ANKRD11: variants seen among roughly 807,000 people sequenced by gnomAD.
ANKRD11 encodes the protein ankyrin repeat domain 11.
Under a neutral mutation model 195.7 loss-of-function variants are expected in ANKRD11, and 17 were observed. That is an observed-to-expected ratio of 0.09 (90% confidence interval 0.06 to 0.13). ANKRD11 has a LOEUF of 0.13. Ranked by LOEUF, ANKRD11 falls within the 10% of genes least tolerant of loss-of-function variation. The pLI is 1.00. For missense variants in ANKRD11, 3,735 were observed against 3,566.1 expected, an observed-to-expected ratio of 1.05 and a Z score of -1.21; for synonymous variants, 1,953 against 1,528.1, an observed-to-expected ratio of 1.28 and a Z score of -6.49.
rs755422031 is a variant in ANKRD11, at chr16:89,280,083, C to T, written c.6459G>A (p.Ala2153=). 3.1e-6 allele frequency: 5 copies of T among 1,613,152 alleles called. No homozygotes were observed. The highest frequency in any genetic ancestry group is 1.7e-5 in the Admixed American group (1 of 60,026). ...GAGCAAGACTTTCTTCCACGGGTTCCGCTTCACCATCTGCGGCATCTTTAG... is the reference window on the plus strand; with the variant it reads ...GAGCAAGACTTTCTTCCACGGGTTCTGCTTCACCATCTGCGGCATCTTTAG... ...LQTKDAADGE[A]EPVEESLAPP... The change falls in exon 9 of 13, where the codon GCG becomes GCA. Residue 2153 remains alanine, a synonymous_variant. Coordinates refer to ENST00000301030, the MANE Select transcript of ANKRD11 (RefSeq NM_013275.6).
At chr16:89,302,285 G>A (rs986547915) in intron 4 of ANKRD11, among the ~76,000 whole-genome samples, 1 of 152,132 alleles carries the variant, frequency 6.6e-6, no homozygotes, top group African/African-American at 2.4e-5. Context: ...ACGGAGTCTT[G>A]CTCTGTTGCC....
chr16:89,278,580 G>A (rs1375905686), intron 9 of ANKRD11: 2 of 457,498 alleles, frequency 4.4e-6, no homozygotes, highest in Non-Finnish European at 8.8e-6. Flanking sequence ...GCTGCCCCAA[G>A]GGAGCTGCAG....
intron 2 of ANKRD11, among the ~76,000 whole-genome samples, chr16:89,335,748 C>T (rs2038319051): frequency 6.6e-6 from 1 of 152,232 alleles, no homozygotes; most frequent in Admixed American, 6.5e-5. Context: ...CTGACCGTGA[C>T]AGGCCCCAGT....
chr16:89,280,298 C>CG lies in ANKRD11; in HGVS notation c.6243dup (p.Glu2082ArgfsTer20), dbSNP rs1567558387. ...GCCACAGCGGCTACACAGGCGGGCT[C>CG]GGGGGCCACGTCCAGCGGGGCTTCC... On this transcript the variant is annotated frameshift_variant, in exon 9 of 13. Transcript: ENST00000301030. LOFTEE classifies it high-confidence loss of function. 6.3e-7 allele frequency: 1 copy of CG among 1,597,140 alleles called. No individual in the cohort carries two copies. The highest frequency in any genetic ancestry group is 8.5e-7 in the Non-Finnish European group (1 of 1,172,318).
Position 89,279,252 on chromosome 16 carries a change from G to A in ANKRD11, c.7290C>T (p.Tyr2430=), listed in dbSNP as rs766583993. ...AGTAGGGGTTGGCCCTGTCGCTGTGGTAGGGCTCGATGGCATCCAGCTTGA... is the reference window on the plus strand; with the variant it reads ...AGTAGGGGTTGGCCCTGTCGCTGTGATAGGGCTCGATGGCATCCAGCTTGA... The part of the protein sequence containing the change: ...DAIKLDAIEP[Y]HSDRANPYFE... The change falls in exon 9 of 13, where the codon TAC becomes TAT. Residue 2430 remains tyrosine, a synonymous_variant. Transcript: ENST00000301030. The surrounding 1 kb of genome is among the most constrained non-coding windows in gnomAD (Gnocchi z 5.6). 3.0e-5 allele frequency: 49 copies of A among 1,611,616 alleles called. No individual in the cohort carries two copies. The highest frequency in any genetic ancestry group is 4.1e-5 in the Non-Finnish European group (48 of 1,179,590).
At chr16:89,302,214 C>T (rs2035900185) in intron 4 of ANKRD11, among the ~76,000 whole-genome samples, 1 of 152,220 alleles carries the variant, frequency 6.6e-6, no homozygotes, top group African/African-American at 2.4e-5. Flanking sequence ...CAGCAGCCTC[C>T]CGGCCCAGGG....
In ANKRD11 at chr16:89,482,796, G is replaced by C. The variant is rs140447457; in HGVS notation, c.-145+7449C>G. On this transcript the variant is annotated intron_variant, in intron 1 of 12. Transcript: ENST00000301030. Reference sequence around the variant, plus strand: ...AACAGAGCCGAGACTCTCCAAAAAAGCGGGTGGGCAGCAGGAGTCAGAGAG... The same window carrying C: ...AACAGAGCCGAGACTCTCCAAAAAACCGGGTGGGCAGCAGGAGTCAGAGAG... Among the ~76,000 whole-genome samples, 155 of 152,306 alleles carry C rather than the reference G, an allele frequency of 1.0e-3. 1 individual carries two copies. Among genetic ancestry groups the C allele is most frequent in the African/African-American group, 3.6e-3 (151 of 41,560 alleles).
intron 2 of ANKRD11, among the ~76,000 whole-genome samples, chr16:89,326,968 G>A (rs2037761409): frequency 6.6e-6 from 1 of 152,186 alleles, no homozygotes; most frequent in African/African-American, 2.4e-5. Flanking sequence ...GGTACAGCAA[G>A]AAGTCCACTG....
intron 1 of ANKRD11, among the ~76,000 whole-genome samples, chr16:89,442,318 G>A (rs1363095143): frequency 6.6e-6 from 1 of 152,170 alleles, no homozygotes; most frequent in Non-Finnish European, 1.5e-5. Context: ...AACATAATTA[G>A]AAACAATGTT....
intron 2 of ANKRD11, among the ~76,000 whole-genome samples, chr16:89,349,911 C>T (rs2039130865): frequency 1.2e-5 from 1 of 85,952 alleles, no homozygotes; most frequent in Admixed American, 1.0e-4. Context: ...CACACACACA[C>T]ATATTCAAAC....
chr16:89,447,058 C>A (rs1475428708), intron 1 of ANKRD11, among the ~76,000 whole-genome samples: 1 of 152,124 alleles, frequency 6.6e-6, no homozygotes, highest in Non-Finnish European at 1.5e-5. Context: ...CCTCCCCACC[C>A]TACGAAGACA....
intron 2 of ANKRD11, among the ~76,000 whole-genome samples, chr16:89,346,877 C>G (rs1567680491): frequency 6.6e-6 from 1 of 152,168 alleles, no homozygotes. Flanking sequence ...AAACATGTAA[C>G]AGAGACTAAA....
chr16:89,448,698 A>C (rs1165801115), intron 1 of ANKRD11, among the ~76,000 whole-genome samples: 9 of 152,172 alleles, frequency 5.9e-5, no homozygotes. Context: ...AAGTAAAGTT[A>C]AACTGCTTCT....
chr16:89,434,174 C>T (rs572992434), intron 1 of ANKRD11, among the ~76,000 whole-genome samples: 1 of 152,094 alleles, frequency 6.6e-6, no homozygotes, highest in African/African-American at 2.4e-5. Flanking sequence ...CTCCAAGATG[C>T]CACTCACCCA....
intron 2 of ANKRD11, among the ~76,000 whole-genome samples, chr16:89,377,511 GTTTCA>G: frequency 6.6e-6 from 1 of 152,182 alleles, no homozygotes; most frequent in Non-Finnish European, 1.5e-5. Context: ...GGGATGAAGG[GTTTCA>G]TTTCAAAACT....
At chr16:89,379,002 G>A (rs1328674631) in intron 2 of ANKRD11, among the ~76,000 whole-genome samples, 1 of 152,198 alleles carries the variant, frequency 6.6e-6, no homozygotes, top group Non-Finnish European at 1.5e-5. Context: ...GCGTCAAGAC[G>A]CCTCCTGCAG....
intron 2 of ANKRD11, among the ~76,000 whole-genome samples, chr16:89,409,340 G>A (rs1325968280): frequency 2.0e-5 from 3 of 152,204 alleles, no homozygotes; most frequent in Admixed American, 6.5e-5. Flanking sequence ...ACACAACTCT[G>A]TTCAAGATCC....
At chr16:89,322,637 T>C (rs1055758440) in intron 2 of ANKRD11, among the ~76,000 whole-genome samples, 14 of 145,920 alleles carry the variant, frequency 9.6e-5, no homozygotes, top group Non-Finnish European at 2.0e-4. Context: ...ACTGACAGGA[T>C]CAAACACCAA....
In ANKRD11 at chr16:89,418,297, G is replaced by A. The variant is rs1320696606; in HGVS notation, c.-73C>T. On this transcript the variant is annotated 5_prime_UTR_variant, in exon 2 of 13. Coordinates refer to ENST00000301030, the MANE Select transcript of ANKRD11 (RefSeq NM_013275.6). ...GTGAGTATTTACCGATTCCATAGCTGAAAGTCAGTGCTGACGAGGACTGTC... is the reference window on the plus strand; with the variant it reads ...GTGAGTATTTACCGATTCCATAGCTAAAAGTCAGTGCTGACGAGGACTGTC... 2.2e-6 allele frequency: 1 copy of A among 454,082 alleles called. No homozygotes were observed. Among genetic ancestry groups the A allele is most frequent in the African/African-American group, 2.0e-5 (1 of 50,136 alleles). 28.1% of individuals were successfully genotyped at this position (454,082 alleles called of 1,614,324 possible).
Sources: gnomAD v4.1 joint callset for allele counts (sites outside exome capture counted in the v4.1 genomes callset) on GRCh38, gnomAD v4.1.1 for gene constraint, Gnocchi (gnomAD v3.1) non-coding constraint, MANE v1.5 for transcripts, NCBI Gene and HGNC (gene_info 2026-07-23, HGNC 2026-07-21) for gene names.